Variants in CADM2 observed in about 807,000 individuals in gnomAD.
CADM2 encodes the protein cell adhesion molecule 2, also known as immunoglobulin superfamily member 4D.
A neutral mutation model predicts 49.8 loss-of-function variants in CADM2; 12 were observed. That is an observed-to-expected ratio of 0.24 (90% confidence interval 0.15 to 0.39). CADM2 has a LOEUF of 0.39. Ranked by LOEUF, CADM2 falls within the 10% of genes least tolerant of loss-of-function variation. The pLI, the probability that CADM2 is intolerant of heterozygous loss-of-function variation, is 1.00. For synonymous variants in CADM2, 214 were observed against 175.4 expected (o/e 1.22, Z -1.74); for missense variants, 378 against 492.3 (o/e 0.77, Z 2.20).
At chr3:85,545,189 G>A (rs964178949) in intron 1 of CADM2, among the ~76,000 whole-genome samples, 7 of 152,128 alleles carry the variant, frequency 4.6e-5, no homozygotes, top group African/African-American at 9.7e-5. Context: ...AATAAGCATG[G>A]CATCGTTGGT....
intron 6 of CADM2, among the ~76,000 whole-genome samples, chr3:85,917,731 G>A (rs1242139646): frequency 6.6e-6 from 1 of 152,084 alleles, no homozygotes; most frequent in Non-Finnish European, 1.5e-5. Context: ...TGATGGGGAT[G>A]GCATTGAATC....
At chr3:85,916,101 C>T (rs1208403923) in intron 6 of CADM2, among the ~76,000 whole-genome samples, 1 of 152,052 alleles carries the variant, frequency 6.6e-6, no homozygotes, top group Non-Finnish European at 1.5e-5. Flanking sequence ...TAAAATATAT[C>T]AGAGCAATGT....
intron 1 of CADM2, among the ~76,000 whole-genome samples, chr3:85,667,810 A>T (rs1026010542): frequency 2.6e-5 from 4 of 152,034 alleles, no homozygotes; most frequent in African/African-American, 7.2e-5. Flanking sequence ...TAACTCCTTA[A>T]ATCTCTATTT....
chr3:85,804,276 TA>T (rs1267949863), intron 3 of CADM2, among the ~76,000 whole-genome samples: 1 of 152,124 alleles, frequency 6.6e-6, no homozygotes, highest in Admixed American at 6.5e-5. Flanking sequence ...AATATATTAT[TA>T]TATTAGTTAA....
rs564344430 is a variant in CADM2, at chr3:85,369,829, A to C, written c.62-356693A>C. Among the ~76,000 whole-genome samples, 5 of 152,288 alleles carry C rather than the reference A, an allele frequency of 3.3e-5. No homozygotes were observed. In the East Asian group the frequency reaches 9.7e-4, roughly 29 times the overall value. On this transcript the variant is annotated intron_variant, in intron 1 of 9. Coordinates refer to ENST00000383699, the MANE Select transcript of CADM2 (RefSeq NM_001167675.2). ...CAACTGCTCAAGTGTCCCTTTGCTG[A>C]AGAAAAATTGATGCCACACAGCAGT...
chr3:85,281,288 A>G (rs1231007599), intron 1 of CADM2, among the ~76,000 whole-genome samples: 1 of 151,970 alleles, frequency 6.6e-6, no homozygotes, highest in South Asian at 2.1e-4. Flanking sequence ...GGTTAATAGA[A>G]TTATCCTTGA....
intron 5 of CADM2, among the ~76,000 whole-genome samples, chr3:85,894,312 A>G (rs1235293057): frequency 1.3e-5 from 2 of 152,174 alleles, no homozygotes; most frequent in Non-Finnish European, 2.9e-5. Flanking sequence ...ACACTTGGAC[A>G]CAGGAAGGGG....
At chr3:85,544,576 C>G (rs2061621463) in intron 1 of CADM2, among the ~76,000 whole-genome samples, 1 of 151,474 alleles carries the variant, frequency 6.6e-6, no homozygotes, top group Non-Finnish European at 1.5e-5. Context: ...GACTCCGTCT[C>G]AAAAAATAAA....
At chr3:85,556,163 A>G (rs954866211) in intron 1 of CADM2, among the ~76,000 whole-genome samples, 6 of 152,158 alleles carry the variant, frequency 3.9e-5, no homozygotes, top group East Asian at 1.9e-4. Context: ...TGTTACATAT[A>G]TACTATATAC....
intron 8 of CADM2, among the ~76,000 whole-genome samples, chr3:85,987,317 T>G (rs1728231290): frequency 6.6e-6 from 1 of 151,972 alleles, no homozygotes; most frequent in African/African-American, 2.4e-5. Flanking sequence ...ACTTATTTAT[T>G]TCTTCAGCTT....
chr3:85,271,249 A>C (rs2043235805), intron 1 of CADM2, among the ~76,000 whole-genome samples: 1 of 151,382 alleles, frequency 6.6e-6, no homozygotes, highest in South Asian at 2.1e-4. Context: ...GTTTTGCTAT[A>C]ATCTTATGTT....
intron 1 of CADM2, among the ~76,000 whole-genome samples, chr3:85,490,847 G>GT (rs1323950958): frequency 2.0e-5 from 3 of 147,856 alleles, no homozygotes; most frequent in Non-Finnish European, 4.5e-5. Context: ...TGTTCTGAGA[G>GT]TAAAAAAAAA....
intron 1 of CADM2, among the ~76,000 whole-genome samples, chr3:85,332,500 A>G (rs2044957250): frequency 6.6e-6 from 1 of 152,100 alleles, no homozygotes; most frequent in South Asian, 2.1e-4. Flanking sequence ...GACCTTTGTA[A>G]TGAAATAATA....
chr3:85,152,070 T>A (rs747008136), intron 1 of CADM2, among the ~76,000 whole-genome samples: 46 of 152,294 alleles, frequency 3.0e-4, no homozygotes, highest in Non-Finnish European at 5.4e-4. Context: ...GAACTTCAAG[T>A]GATTTCTGTC....
At chr3:85,590,318 G>A (rs781347668) in intron 1 of CADM2, among the ~76,000 whole-genome samples, 42 of 152,084 alleles carry the variant, frequency 2.8e-4, no homozygotes, top group Non-Finnish European at 4.9e-4. Context: ...CAACCCAGAA[G>A]TGAAGTTTGG....
At chr3:86,062,004 T>G (rs1280855194) in intron 8 of CADM2, among the ~76,000 whole-genome samples, 1 of 152,030 alleles carries the variant, frequency 6.6e-6, no homozygotes. Context: ...GGGTTGAATT[T>G]GTACAATTTT....
intron 1 of CADM2, among the ~76,000 whole-genome samples, chr3:85,634,055 G>A (rs570071932): frequency 6.6e-6 from 1 of 151,972 alleles, no homozygotes; most frequent in Non-Finnish European, 1.5e-5. Context: ...GAGCTCTTTA[G>A]GTGAGAGGTA....
intron 1 of CADM2, among the ~76,000 whole-genome samples, chr3:85,523,061 A>C (rs2061064980): frequency 6.6e-6 from 1 of 152,018 alleles, no homozygotes; most frequent in Non-Finnish European, 1.5e-5. Context: ...ACCCCCACAC[A>C]TTTGCTAGAT....
At chr3:85,846,976 C>T (rs1198050473) in intron 3 of CADM2, among the ~76,000 whole-genome samples, 1 of 152,176 alleles carries the variant, frequency 6.6e-6, no homozygotes, top group Non-Finnish European at 1.5e-5. Context: ...AAGATGGTAT[C>T]TGCTTAATTG....
Sources: gnomAD v4.1 joint callset for allele counts (sites outside exome capture counted in the v4.1 genomes callset) on GRCh38, gnomAD v4.1.1 for gene constraint, MANE v1.5 for transcripts, NCBI Gene and HGNC (gene_info 2026-07-23, HGNC 2026-07-21) for gene names.